Variants in CLASP1 observed in about 807,000 individuals in gnomAD.
CLASP1 encodes cytoplasmic linker associated protein 1, also known as CLIP-associating protein 1.
Under a neutral mutation model 192.3 loss-of-function variants are expected in CLASP1, and 38 were observed. The observed-to-expected ratio is 0.20, with a 90% confidence interval of 0.15 to 0.26. CLASP1 has a LOEUF of 0.26. Ranked by LOEUF, CLASP1 falls within the 10% of genes least tolerant of loss-of-function variation. The pLI is 1.00. For missense variants in CLASP1, 1,433 were observed against 1,932.5 expected (o/e 0.74, Z 4.85); for synonymous variants, 691 against 712.8 (o/e 0.97, Z 0.49).
intron 2 of CLASP1, among the ~76,000 whole-genome samples, chr2:121,561,117 G>T (rs987657255): frequency 6.6e-6 from 1 of 152,182 alleles, no homozygotes; most frequent in African/African-American, 2.4e-5. Context: ...ATGTTGGCCA[G>T]GTTGGTCTCG....
At chr2:121,573,409 T>A (rs1293192062) in intron 2 of CLASP1, among the ~76,000 whole-genome samples, 1 of 152,226 alleles carries the variant, frequency 6.6e-6, no homozygotes, top group African/African-American at 2.4e-5. Flanking sequence ...ATAAATTAGT[T>A]CTCTAATTTT....
chr2:121,397,810 C>T (rs751452737), intron 29 of CLASP1, among the ~76,000 whole-genome samples: 63 of 152,218 alleles, frequency 4.1e-4, no homozygotes, highest in African/African-American at 1.2e-3. Flanking sequence ...GATCAAAGAA[C>T]AGATGATGAA....
intron 19 of CLASP1, 46 bp from the exon 20 acceptor site, chr2:121,430,223 T>C: frequency 7.1e-7 from 1 of 1,398,636 alleles, no homozygotes; most frequent in Admixed American, 2.0e-5. Context: ...TTCCAGTAAG[T>C]GCCACCTCCT....
chr2:121,499,077 CAG>C (rs2093643744), intron 8 of CLASP1, among the ~76,000 whole-genome samples: 1 of 152,192 alleles, frequency 6.6e-6, no homozygotes, highest in Non-Finnish European at 1.5e-5. Flanking sequence ...GCAAGGTATA[CAG>C]CCAACAGAAA....
At chr2:121,387,699 T>C in intron 31 of CLASP1, 64 bp downstream of exon 32, 1 of 1,524,240 alleles carries the variant, frequency 6.6e-7, no homozygotes. Flanking sequence ...GAGTAGGTTC[T>C]AGATAAGGGC....
At chr2:121,604,844 TTCTATGTCTGTAAGCCCCTTTAACAACG>T (rs1576400142) in intron 2 of CLASP1, among the ~76,000 whole-genome samples, 1 of 152,132 alleles carries the variant, frequency 6.6e-6, no homozygotes, top group Non-Finnish European at 1.5e-5. Context: ...GCACAAAAGA[TTCTATGTCTGTAAGCCCCTTTAACAACG>T]TCTATAGCAC....
chr2:121,481,153 CA>C (rs1417687954), intron 8 of CLASP1, among the ~76,000 whole-genome samples: 1 of 152,150 alleles, frequency 6.6e-6, no homozygotes, highest in Non-Finnish European at 1.5e-5. Context: ...ACAGGAAAAC[CA>C]TAAGTATGGG....
chr2:121,554,215 A>T (rs2058314711), intron 2 of CLASP1, among the ~76,000 whole-genome samples: 1 of 152,126 alleles, frequency 6.6e-6, no homozygotes, highest in East Asian at 1.9e-4. Context: ...ACCCTATCTC[A>T]AAAAATAAAT....
intron 2 of CLASP1, chr2:121,530,720 C>T: frequency 3.9e-6 from 2 of 514,218 alleles, no homozygotes; most frequent in Non-Finnish European, 3.5e-6. Flanking sequence ...TGCGACCCTT[C>T]GGGAGCCTCA....
chr2:121,577,183 G>A (rs938390446), intron 2 of CLASP1, among the ~76,000 whole-genome samples: 1 of 151,768 alleles, frequency 6.6e-6, no homozygotes, highest in Admixed American at 6.6e-5. Context: ...GATGAGTATG[G>A]AGGTTCATTG....
intron 34 of CLASP1, among the ~76,000 whole-genome samples, chr2:121,369,204 C>A (rs1336625645): frequency 6.6e-6 from 1 of 152,134 alleles, no homozygotes; most frequent in Non-Finnish European, 1.5e-5. Context: ...CTGTTCAAGT[C>A]CCTGCTTTCA....
At chr2:121,435,188 G>A (rs1345619810) in intron 19 of CLASP1, among the ~76,000 whole-genome samples, 1 of 152,164 alleles carries the variant, frequency 6.6e-6, no homozygotes, top group African/African-American at 2.4e-5. Context: ...ATATTATATT[G>A]CTAGAGCTTT....
At chr2:121,458,851 A>G (rs777385338) in exon 13 of CLASP1, 20 of 1,607,906 alleles carry the variant, frequency 1.2e-5, no homozygotes, top group Non-Finnish European at 1.6e-5. Flanking sequence ...CGAATAATTA[A>G]CCTAACAGCT....
chr2:121,606,212 G>C (rs1040508332), intron 1 of CLASP1, 32 bp from the exon 2 acceptor site: 1 of 433,962 alleles, frequency 2.3e-6, no homozygotes, highest in Non-Finnish European at 4.0e-6. Context: ...CGACAAATTA[G>C]CACAGATAAC....
At chr2:121,380,337 T>C (rs1284435371) in intron 33 of CLASP1, among the ~76,000 whole-genome samples, 1 of 152,136 alleles carries the variant, frequency 6.6e-6, no homozygotes, top group African/African-American at 2.4e-5. Flanking sequence ...GTTTCAGCCC[T>C]GAGACAACCC....
At chr2:121,478,884 ACAC>A (rs2092212429) in intron 8 of CLASP1, among the ~76,000 whole-genome samples, 1 of 23,652 alleles carries the variant, frequency 4.2e-5, no homozygotes, top group Admixed American at 4.8e-4. Flanking sequence ...CACCACACAC[ACAC>A]CACACACACA....
rs1165797457 is a variant in CLASP1 at position 121,593,478 on chromosome 2, G to C, written c.195+12223C>G. On this transcript the variant is annotated intron_variant, in intron 2 of 39. Transcript: ENST00000263710. The stretch of plus-strand genomic sequence containing the variant: ...CTACTAAAAATACAAAAGTAGCCGG[G>C]CATGCTGGTGCCTGCCTATAATCCC... Among the ~76,000 whole-genome samples the C allele has an allele frequency of 3.3e-5, 5 of 151,928 alleles. No individual in the cohort carries two copies. In the South Asian group the frequency reaches 6.2e-4, roughly 19 times the overall value.
At chr2:121,397,074 A>G in intron 30 of CLASP1, 66 bp downstream of exon 31, 1 of 1,550,582 alleles carries the variant, frequency 6.4e-7, no homozygotes, top group Non-Finnish European at 8.9e-7. Flanking sequence ...TCAAGTTTCT[A>G]AATACATTTC....
intron 1 of CLASP1, among the ~76,000 whole-genome samples, chr2:121,620,967 C>A (rs2067238741): frequency 6.6e-6 from 1 of 152,154 alleles, no homozygotes; most frequent in Non-Finnish European, 1.5e-5. Flanking sequence ...GTGGCTCACA[C>A]CTGTAATCCC....
Sources: allele counts gnomAD v4.1 joint callset (sites outside exome capture counted in the v4.1 genomes callset), GRCh38; gene constraint gnomAD v4.1.1; transcripts MANE v1.5; gene names NCBI Gene and HGNC (gene_info 2026-07-23, HGNC 2026-07-21).